The following AK5 variants were observed in gnomAD, a reference collection of about 807,000 sequenced individuals.
AK5 encodes the protein adenylate kinase 5, also known as adenylate kinase isoenzyme 5.
A neutral mutation model predicts 69.5 loss-of-function variants in AK5; 27 were observed. The observed-to-expected ratio is 0.39, with a 90% CI of 0.29 to 0.54. The LOEUF is 0.54. AK5 is among the 20% of genes least tolerant of loss of function. AK5 has a pLI of 0.71. For synonymous variants in AK5, 260 were observed against 244.4 expected (o/e 1.06, Z -0.60); for missense variants, 531 against 700.4 (o/e 0.76, Z 2.73).
At chr1:77,525,052 A>G (rs1658196988) in intron 12 of AK5, among the ~76,000 whole-genome samples, 3 of 152,110 alleles carry the variant, frequency 2.0e-5, no homozygotes, top group Admixed American at 1.3e-4. Context: ...GACTACAGGC[A>G]CATGCCACCA....
intron 5 of AK5, among the ~76,000 whole-genome samples, chr1:77,309,381 A>G (rs2815319): frequency 0.15 from 23,519 of 152,114 alleles, 2,234 homozygotes; most frequent in Non-Finnish European, 0.2. Context: ...CCAGTTTTAT[A>G]TACCTGTCTA....
At chr1:77,368,049 T>G (rs1218834305) in intron 6 of AK5, among the ~76,000 whole-genome samples, 5 of 133,092 alleles carry the variant, frequency 3.8e-5, no homozygotes, top group Non-Finnish European at 7.8e-5. Context: ...TGAAGGCTAA[T>G]ATGAGTCAAA....
chr1:77,296,518 G>C, intron 3 of AK5, among the ~76,000 whole-genome samples: 1 of 151,904 alleles, frequency 6.6e-6, no homozygotes, highest in East Asian at 1.9e-4. Flanking sequence ...TTTCTTGAAA[G>C]TACAATAACA....
chr1:77,311,702 A>G lies in AK5; in HGVS notation c.699+13755A>G, dbSNP rs182139706. 1.3e-4 allele frequency among the ~76,000 whole-genome samples: 20 copies of G among 152,140 alleles called. No individual in the cohort carries two copies. In the East Asian group the frequency reaches 3.9e-3, roughly 29 times the overall value. On this transcript the variant is annotated intron_variant, in intron 5 of 13. Coordinates refer to ENST00000354567, the MANE Select transcript of AK5 (RefSeq NM_174858.3). Reference sequence around the variant, plus strand: ...CCCCCTGATACTGAATCCATTACTCATTGTCAGAGGCTTTGAAGGCAGAAG... The same window carrying G: ...CCCCCTGATACTGAATCCATTACTCGTTGTCAGAGGCTTTGAAGGCAGAAG...
intron 10 of AK5, among the ~76,000 whole-genome samples, chr1:77,504,631 G>C (rs1003023128): frequency 3.9e-5 from 6 of 152,076 alleles, no homozygotes; most frequent in Non-Finnish European, 8.8e-5. Context: ...TAAGTATTCT[G>C]TTTGATGAAA....
chr1:77,416,501 G>T (rs1219279269), intron 7 of AK5, among the ~76,000 whole-genome samples: 2 of 152,170 alleles, frequency 1.3e-5, no homozygotes, highest in East Asian at 1.9e-4. Context: ...AAAATGTAAA[G>T]ATATAAACAC....
intron 13 of AK5, among the ~76,000 whole-genome samples, chr1:77,542,247 T>C (rs4949807): frequency 0.69 from 105,247 of 151,926 alleles, 37,260 homozygotes; most frequent in Non-Finnish European, 0.77. Flanking sequence ...TACTTGAACC[T>C]GGGAGGCGGA....
intron 13 of AK5, among the ~76,000 whole-genome samples, chr1:77,543,197 G>A (rs1659369291): frequency 6.6e-6 from 1 of 152,164 alleles, no homozygotes; most frequent in Admixed American, 6.5e-5. Flanking sequence ...TGAGGAAAGT[G>A]GAAGCAGAAG....
intron 6 of AK5, among the ~76,000 whole-genome samples, chr1:77,365,545 G>A (rs573018558): frequency 6.6e-6 from 1 of 152,336 alleles, no homozygotes; most frequent in Non-Finnish European, 1.5e-5. Context: ...CATGGGGTTG[G>A]GGGATTGTTT....
intron 8 of AK5, among the ~76,000 whole-genome samples, chr1:77,420,959 A>T (rs1315283723): frequency 1.3e-5 from 2 of 152,204 alleles, no homozygotes; most frequent in Non-Finnish European, 2.9e-5. Flanking sequence ...TAAACAATGA[A>T]TGTGGCTTTG....
chr1:77,391,495 G>GTGTGTGTATATATA (rs1425180466), intron 6 of AK5, among the ~76,000 whole-genome samples: 7 of 63,444 alleles, frequency 1.1e-4, no homozygotes, highest in South Asian at 6.1e-4. Flanking sequence ...GTGTGTGTGT[G>GTGTGTGTATATATA]TATATATATA....
intron 6 of AK5, among the ~76,000 whole-genome samples, chr1:77,399,750 A>G (rs986132811): frequency 3.3e-5 from 5 of 152,212 alleles, no homozygotes; most frequent in African/African-American, 1.2e-4. Context: ...TGAGAGGAGA[A>G]AAACAGAATC....
At chr1:77,469,111 T>G (rs900131119) in intron 8 of AK5, among the ~76,000 whole-genome samples, 1 of 152,206 alleles carries the variant, frequency 6.6e-6, no homozygotes, top group Non-Finnish European at 1.5e-5. Flanking sequence ...CAACATCCAT[T>G]TATTATTCCT....
intron 10 of AK5, among the ~76,000 whole-genome samples, chr1:77,496,669 G>C (rs1472177633): frequency 6.6e-6 from 1 of 152,226 alleles, no homozygotes; most frequent in East Asian, 1.9e-4. Flanking sequence ...GGATGGAAGT[G>C]AGAGGTGAAG....
chr1:77,540,625 G>A (rs1447737951), intron 13 of AK5: 2 of 152,208 alleles, frequency 1.3e-5, no homozygotes, highest in African/African-American at 4.8e-5. Flanking sequence ...AGACTCCCTG[G>A]GGGATGGCGG....
rs1658019094 is a variant in AK5, at chr1:77,522,036, C to T, written c.1428+93C>T. The stretch of plus-strand genomic sequence containing the variant: ...TCAAAGTCTATTTCTTTCCCAATTA[C>T]ATTAATGAAAACTTTAAGGGGCAGA... On this transcript the variant is annotated intron_variant, in intron 12 of 13. Coordinates refer to ENST00000354567, the MANE Select transcript of AK5 (RefSeq NM_174858.3). The T allele has an allele frequency of 4.0e-6, 4 of 1,009,458 alleles. No homozygotes were observed. In the East Asian group the frequency reaches 1.1e-4, roughly 27 times the overall value. 62.5% of individuals were successfully genotyped at this position (1,009,458 alleles called of 1,614,324 possible). A position where few individuals can be genotyped will look rare whatever the true frequency, so the allele number is the denominator to read the frequency against.
chr1:77,470,846 TATATATATATA>T lies in AK5; in HGVS notation c.1060-12470_1060-12460del, dbSNP rs1654425301. Among the ~76,000 whole-genome samples, 14 of 27,176 alleles carry T rather than the reference TATATATATATA, an allele frequency of 5.2e-4. 1 individual carries two copies. Among genetic ancestry groups the T allele is most frequent in the African/African-American group, 1.5e-3 (6 of 3,938 alleles). 17.8% of individuals were successfully genotyped at this position (27,176 alleles called of 152,430 possible). ...TTTAGAATATATATATATATATATA[TATATATATATA>T]TATATATATATATATATATTTTTTT... On this transcript the variant is annotated intron_variant, in intron 8 of 13. Transcript: ENST00000354567.
intron 6 of AK5, among the ~76,000 whole-genome samples, chr1:77,389,803 A>C (rs972681859): frequency 6.6e-6 from 1 of 151,998 alleles, no homozygotes; most frequent in Non-Finnish European, 1.5e-5. Context: ...CTCTACAAAA[A>C]ATACAAGAAT....
At chr1:77,367,579 A>ATATATATATATATATTTT (rs71075732) in intron 6 of AK5, among the ~76,000 whole-genome samples, 3 of 53,396 alleles carry the variant, frequency 5.6e-5, no homozygotes, top group Non-Finnish European at 9.2e-5. Flanking sequence ...ATATATATAT[A>ATATATATATATATATTTT]ATATATATGT....
Sources: gnomAD v4.1 joint callset for allele counts (sites outside exome capture counted in the v4.1 genomes callset) on GRCh38, gnomAD v4.1.1 for gene constraint, MANE v1.5 for transcripts, NCBI Gene and HGNC (gene_info 2026-07-23, HGNC 2026-07-21) for gene names.